Variants in BMS1 observed in about 807,000 individuals in gnomAD.
The protein encoded by BMS1 is ribosome biogenesis protein BMS1 homolog.
In BMS1, 53 loss-of-function variants were observed where a neutral mutation model predicts 138.7. The ratio of observed to expected loss-of-function variants is 0.38; its 90% CI spans 0.31 to 0.48. The LOEUF (loss-of-function observed/expected upper bound fraction) is 0.48. Ranked by LOEUF, BMS1 falls within the 20% of genes least tolerant of loss-of-function variation. The pLI, the probability that BMS1 is intolerant of heterozygous loss-of-function variation, is 0.97. For synonymous variants in BMS1, 504 were observed against 539.9 expected, an observed-to-expected ratio of 0.93 and a Z score of 0.92; for missense variants, 1,360 against 1,565.5, an observed-to-expected ratio of 0.87 and a Z score of 2.22.
At chr10:42,786,377 T>G (rs1431097970) in intron 3 of BMS1, among the ~76,000 whole-genome samples, 1 of 152,142 alleles carries the variant, frequency 6.6e-6, no homozygotes, top group Non-Finnish European at 1.5e-5. Flanking sequence ...ATTGCAATAA[T>G]ATAGTTGGAT....
chr10:42,817,564 T>G (rs1473809125), intron 15 of BMS1, 70 bp downstream of exon 15: 2 of 1,470,880 alleles, frequency 1.4e-6, no homozygotes, highest in African/African-American at 2.8e-5. Flanking sequence ...CTGACTTTGT[T>G]TGGGTCCCTA....
chr10:42,793,214 A>G, intron 8 of BMS1, 70 bp downstream of exon 8: 1 of 1,448,524 alleles, frequency 6.9e-7, no homozygotes, highest in Non-Finnish European at 9.2e-7. Context: ...TTAATCACAA[A>G]AAGTAATGTA....
At position 42,796,639 on chromosome 10, in the gene BMS1, A is replaced by C. The variant is rs1202834495; in HGVS notation, c.1395A>C (p.Ala465=). 7 of 1,614,224 alleles carry C rather than the reference A, an allele frequency of 4.3e-6. No individual in the cohort carries two copies. The highest frequency in any genetic ancestry group is 5.9e-6 in the Non-Finnish European group (7 of 1,180,046). ...GLENGSSDEE[A]EEEENAEMTD... ...AAAACGGCTCTAGTGATGAGGAAGC[A>C]GAAGAGGAGGAAAATGCTGAGATGA... Residue 465 remains alanine, a synonymous_variant, in exon 10 of 23, where the codon GCA becomes GCC. Transcript: ENST00000374518.
At chr10:42,792,329 C>T (rs1200669469) in intron 6 of BMS1, among the ~76,000 whole-genome samples, 164 bp from the exon 7 acceptor site, 2 of 152,200 alleles carry the variant, frequency 1.3e-5, no homozygotes, top group Non-Finnish European at 2.9e-5. Flanking sequence ...GTGTCTGCCC[C>T]TTTTCCTCTG....
chr10:42,794,969 T>A (rs943093437), intron 9 of BMS1, among the ~76,000 whole-genome samples: 1 of 151,828 alleles, frequency 6.6e-6, no homozygotes, highest in African/African-American at 2.4e-5. Context: ...TGTGTCCATG[T>A]GTTCTCATTG....
In BMS1 at chr10:42,834,848, G is replaced by A. The variant is rs1207503929; in HGVS notation, c.*3752G>A. 1.3e-5 allele frequency: 2 copies of A among 152,090 alleles called. No homozygotes were observed. The highest frequency in any genetic ancestry group is 1.5e-5 in the Non-Finnish European group (1 of 68,026). The allele number at this position is 152,090 out of a possible 1,614,324, so 9.4% of individuals were successfully genotyped here. ...CCTGTAAATTTTTTTGAGGGGAGGG[G>A]TGGGCTTGTTTTTTTCTGTGTTTCG... On this transcript the variant is annotated 3_prime_UTR_variant, in exon 23 of 23. Coordinates refer to ENST00000374518, the MANE Select transcript of BMS1 (RefSeq NM_014753.4).
At position 42,820,724 on chromosome 10, in the gene BMS1, G is replaced by A. The variant is rs191093110; in HGVS notation, c.2950+36G>A. 8.8e-6 allele frequency: 14 copies of A among 1,593,724 alleles called. 1 individual carries two copies. In the Middle Eastern group the frequency reaches 9.2e-4, roughly 104 times the overall value. On this transcript the variant is annotated intron_variant, in intron 17 of 22. Transcript: ENST00000374518. ...ATTACAATAACTTGCCTGTTGCCAA[G>A]ATTAAACCTTACAGGCTGCGTTATT...
At chr10:42,783,747 C>T (rs562917305) in intron 1 of BMS1, among the ~76,000 whole-genome samples, 1 of 152,228 alleles carries the variant, frequency 6.6e-6, no homozygotes, top group African/African-American at 2.4e-5. Flanking sequence ...ACACGTACAG[C>T]TATTTCTATT....
chr10:42,793,165 A>C (rs1346300083), intron 8 of BMS1, 21 bp downstream of exon 8: 1 of 1,569,036 alleles, frequency 6.4e-7, no homozygotes, highest in Non-Finnish European at 8.6e-7. Flanking sequence ...GACGGGAGTC[A>C]TTTCTCTGAA....
chr10:42,828,073 A>C (rs934905140), intron 21 of BMS1, among the ~76,000 whole-genome samples: 4 of 152,224 alleles, frequency 2.6e-5, no homozygotes, highest in Non-Finnish European at 5.9e-5. Context: ...GAACTGTAGC[A>C]CACCAGCTGC....
chr10:42,829,747 A>G (rs1842749142), intron 21 of BMS1, among the ~76,000 whole-genome samples: 1 of 152,022 alleles, frequency 6.6e-6, no homozygotes, highest in Non-Finnish European at 1.5e-5. Flanking sequence ...GCTTGAACCC[A>G]GGAGGTGGAG....
chr10:42,798,967 T>G (rs1326873486), intron 12 of BMS1, among the ~76,000 whole-genome samples: 1 of 152,238 alleles, frequency 6.6e-6, no homozygotes, highest in Non-Finnish European at 1.5e-5. Context: ...TTAACATTTA[T>G]AGTTTCTGCT....
chr10:42,785,412 G>A (rs1841296040), intron 2 of BMS1, 70 bp from the exon 3 acceptor site: 2 of 1,424,800 alleles, frequency 1.4e-6, no homozygotes, highest in African/African-American at 2.9e-5. Context: ...TACTTATAAG[G>A]TTGATACCTT....
Position 42,823,766 on chromosome 10 carries a change from C to T in BMS1, c.3438C>T (p.Asn1146=). 6.3e-7 allele frequency: 1 copy of T among 1,592,532 alleles called. No homozygotes were observed. Among genetic ancestry groups the T allele is most frequent in the Non-Finnish European group, 8.5e-7 (1 of 1,178,300 alleles). The change falls in exon 21 of 23, where the codon AAC becomes AAT. Residue 1146 remains asparagine (N), a synonymous_variant. Coordinates refer to ENST00000374518, the MANE Select transcript of BMS1 (RefSeq NM_014753.4). ...CCCATGGCGTCAGACTAAAGGCGAA[C>T]AAGGACTCTCTGTATAAGGTACTGG... is the stretch of plus-strand genomic sequence containing the variant. ...RLAHGVRLKA[N]KDSLYKPILR...
intron 21 of BMS1, among the ~76,000 whole-genome samples, chr10:42,827,457 G>C (rs1842681747): frequency 6.6e-6 from 1 of 152,158 alleles, no homozygotes; most frequent in Non-Finnish European, 1.5e-5. Flanking sequence ...GAAGGGTGTG[G>C]TGGCTGCTCA....
intron 9 of BMS1, among the ~76,000 whole-genome samples, chr10:42,794,938 A>G (rs966541979): frequency 1.3e-5 from 2 of 151,792 alleles, no homozygotes; most frequent in African/African-American, 4.8e-5. Flanking sequence ...AACAGTCCCC[A>G]GAGTGTGATG....
rs1468880932 is a variant in BMS1, at chr10:42,796,852, C to T, written c.1608C>T (p.Gly536=). The T allele has an allele frequency of 3.1e-6, 5 of 1,614,180 alleles. No individual in the cohort carries two copies. Among genetic ancestry groups the T allele is most frequent in the Admixed American group, 1.7e-5 (1 of 60,018 alleles). The change falls in exon 10 of 23, where the codon GGC becomes GGT. Residue 536 remains glycine (G), a synonymous_variant. Coordinates refer to ENST00000374518, the MANE Select transcript of BMS1 (RefSeq NM_014753.4). The part of the protein sequence containing the change: ...EEEDCTAGEK[G]ISGSKAAGEG... ...AGGACTGCACTGCAGGAGAGAAGGG[C>T]ATTTCAGGATCAAAGGCTGCTGGAG...
chr10:42,792,747 T>C (rs1442606260), intron 7 of BMS1, 133 bp downstream of exon 7: 15 of 1,406,526 alleles, frequency 1.1e-5, no homozygotes, highest in African/African-American at 1.4e-5. Context: ...AAGCCACCTA[T>C]GTGTAGGCCT....
rs545042403 is a variant in BMS1 at position 42,815,989 on chromosome 10, A to C, written c.2330-610A>C. Among the ~76,000 whole-genome samples the C allele has an allele frequency of 2.6e-5, 4 of 152,152 alleles. No individual in the cohort carries two copies. In the South Asian group the frequency reaches 8.3e-4, roughly 32 times the overall value. ...CTATTCGTTTGGGGGACACACATAGACCTCTGTGTCTTTCATAAAGAGTGT... is the reference window on the plus strand; with the variant it reads ...CTATTCGTTTGGGGGACACACATAGCCCTCTGTGTCTTTCATAAAGAGTGT... On this transcript the variant is annotated intron_variant, in intron 13 of 22. Transcript: ENST00000374518.
Sources: gnomAD v4.1 joint callset for allele counts (sites outside exome capture counted in the v4.1 genomes callset) on GRCh38, gnomAD v4.1.1 for gene constraint, MANE v1.5 for transcripts, NCBI Gene and HGNC (gene_info 2026-07-23, HGNC 2026-07-21) for gene names.